The following ADAMTS3 variants were observed in gnomAD, a reference collection of about 807,000 sequenced individuals.
ADAMTS3 encodes A disintegrin and metalloproteinase with thrombospondin motifs 3.
Under a neutral mutation model 129.0 loss-of-function variants are expected in ADAMTS3, and 73 were observed. That is an observed-to-expected ratio of 0.57 (90% confidence interval 0.47 to 0.69). The LOEUF (loss-of-function observed/expected upper bound fraction) is 0.69. Ranked by LOEUF, ADAMTS3 falls within the 30% of genes least tolerant of loss-of-function variation. The pLI is 0.00. For missense variants in ADAMTS3, 1,457 were observed against 1,514.5 expected (o/e 0.96, Z 0.63); for synonymous variants, 477 against 510.8 (o/e 0.93, Z 0.89).
At chr4:72,284,836 G>A (rs1203683887) in intron 21 of ADAMTS3, among the ~76,000 whole-genome samples, 2 of 152,072 alleles carry the variant, frequency 1.3e-5, no homozygotes, top group Non-Finnish European at 2.9e-5. Context: ...CAAATATTAA[G>A]CTCATAAAAA....
At chr4:72,421,508 A>G (rs1722443421) in intron 3 of ADAMTS3, among the ~76,000 whole-genome samples, 1 of 152,232 alleles carries the variant, frequency 6.6e-6, no homozygotes, top group African/African-American at 2.4e-5. Context: ...GAAGCTGAAA[A>G]GGAATGATGA....
At chr4:72,515,413 T>C (rs945993920) in intron 3 of ADAMTS3, among the ~76,000 whole-genome samples, 1 of 151,966 alleles carries the variant, frequency 6.6e-6, no homozygotes, top group Non-Finnish European at 1.5e-5. Context: ...ATCGCCACAC[T>C]GACTTCCACA....
intron 3 of ADAMTS3, among the ~76,000 whole-genome samples, chr4:72,526,749 T>G (rs1322329148): frequency 3.2e-5 from 2 of 63,368 alleles, no homozygotes; most frequent in Non-Finnish European, 7.1e-5. Flanking sequence ...TATATATATA[T>G]ATATATATAT....
intron 4 of ADAMTS3, among the ~76,000 whole-genome samples, chr4:72,365,754 A>G (rs1043547106): frequency 6.6e-6 from 1 of 152,210 alleles, no homozygotes; most frequent in Non-Finnish European, 1.5e-5. Context: ...AACTGAACCA[A>G]TATCTGATGC....
chr4:72,490,859 TCTGTAA>T (rs1210026072), intron 3 of ADAMTS3, among the ~76,000 whole-genome samples: 3 of 151,928 alleles, frequency 2.0e-5, no homozygotes, highest in Non-Finnish European at 4.4e-5. Context: ...TTTTTCTATA[TCTGTAA>T]CTACTTCCAT....
At chr4:72,355,437 G>C (rs146426949) in intron 4 of ADAMTS3, among the ~76,000 whole-genome samples, 26 of 152,046 alleles carry the variant, frequency 1.7e-4, no homozygotes, top group African/African-American at 6.3e-4. Context: ...ATTCTTGATA[G>C]AGCAAAGAAA....
At chr4:72,305,794 T>G (rs1485390352) in intron 16 of ADAMTS3, among the ~76,000 whole-genome samples, 193 bp downstream of exon 16, 1 of 151,594 alleles carries the variant, frequency 6.6e-6, no homozygotes, top group Non-Finnish European at 1.5e-5. Context: ...TGTACGCACA[T>G]ATACGCATGC....
chr4:72,523,304 T>C (rs184045876), intron 3 of ADAMTS3, among the ~76,000 whole-genome samples: 238 of 152,210 alleles, frequency 1.6e-3, no homozygotes, highest in African/African-American at 5.4e-3. Flanking sequence ...TGTTTATTTC[T>C]GAAAAGCATA....
chr4:72,395,912 T>G (rs1189464029), intron 4 of ADAMTS3, among the ~76,000 whole-genome samples: 6 of 152,030 alleles, frequency 3.9e-5, no homozygotes, highest in African/African-American at 1.4e-4. Flanking sequence ...TAGAGGGAGA[T>G]AGGTTTAGAA....
At position 72,543,570 on chromosome 4, in the gene ADAMTS3, G is replaced by A. The variant is rs1721390157; in HGVS notation, c.504+4908C>T. ...GAAGTTCTGACATATGCTTCAAAATGGATGAAATTTAAGGACGTTATACTA... is the reference window on the plus strand; with the variant it reads ...GAAGTTCTGACATATGCTTCAAAATAGATGAAATTTAAGGACGTTATACTA... On this transcript the variant is annotated intron_variant, in intron 3 of 21. Coordinates refer to ENST00000286657, the MANE Select transcript of ADAMTS3 (RefSeq NM_014243.3). Among the ~76,000 whole-genome samples, 2 of 152,020 alleles carry A rather than the reference G, an allele frequency of 1.3e-5. 1 individual carries two copies. Among genetic ancestry groups the A allele is most frequent in the South Asian group, 4.2e-4 (2 of 4,816 alleles).
intron 3 of ADAMTS3, among the ~76,000 whole-genome samples, chr4:72,486,629 A>G (rs1262041819): frequency 2.6e-5 from 4 of 152,200 alleles, no homozygotes; most frequent in Non-Finnish European, 5.9e-5. Flanking sequence ...CTGATAATAA[A>G]AGATTGAATC....
intron 5 of ADAMTS3, among the ~76,000 whole-genome samples, chr4:72,328,897 A>C (rs890856271): frequency 6.6e-6 from 1 of 152,186 alleles, no homozygotes; most frequent in Non-Finnish European, 1.5e-5. Flanking sequence ...ACTATCTCTT[A>C]CGTAGGTAAA....
chr4:72,466,074 C>T (rs956998506), intron 3 of ADAMTS3, among the ~76,000 whole-genome samples: 1 of 151,946 alleles, frequency 6.6e-6, no homozygotes, highest in Non-Finnish European at 1.5e-5. Context: ...TGATAATGTC[C>T]TATCAATAAA....
Position 72,347,400 on chromosome 4 carries a change from T to C in ADAMTS3, c.662-7707A>G, listed in dbSNP as rs112713789. ...ACCCTTTCTCTGCTACAGTCATCAA[T>C]AGTCTTCATTTTCCTTCTCATTCTT... On this transcript the variant is annotated intron_variant, in intron 4 of 21. Transcript: ENST00000286657. Among the ~76,000 whole-genome samples, 348 of 151,908 alleles carry C rather than the reference T, an allele frequency of 2.3e-3. 5 individuals carry two copies. Among genetic ancestry groups the C allele is most frequent in the South Asian group, 0.013 (61 of 4,810 alleles).
At chr4:72,400,145 T>C (rs186622071) in intron 4 of ADAMTS3, among the ~76,000 whole-genome samples, 101 of 129,444 alleles carry the variant, frequency 7.8e-4, no homozygotes, top group South Asian at 2.2e-3. Context: ...TATGCACACA[T>C]GGTGTGTATA....
At chr4:72,554,441 G>C (rs1560565781) in intron 2 of ADAMTS3, among the ~76,000 whole-genome samples, 1 of 151,990 alleles carries the variant, frequency 6.6e-6, no homozygotes, top group South Asian at 2.1e-4. Flanking sequence ...AACCTGAACG[G>C]CTCTGTTCTC....
At chr4:72,339,380 T>C (rs758110764) in intron 5 of ADAMTS3, 114 bp downstream of exon 5, 1 of 867,798 alleles carries the variant, frequency 1.2e-6, no homozygotes, top group Non-Finnish European at 1.8e-6. Flanking sequence ...AATGCCATCA[T>C]GCACATATTT....
At chr4:72,368,585 C>T (rs575074648) in intron 4 of ADAMTS3, among the ~76,000 whole-genome samples, 15 of 152,210 alleles carry the variant, frequency 9.9e-5, no homozygotes, top group Admixed American at 8.5e-4. Context: ...TACAGGTATG[C>T]TAATAAACTG....
intron 4 of ADAMTS3, among the ~76,000 whole-genome samples, chr4:72,407,255 T>A (rs1035180414): frequency 4.6e-5 from 7 of 152,090 alleles, no homozygotes; most frequent in African/African-American, 1.7e-4. Context: ...ATCCAAAAGT[T>A]AGGTATGATG....
Sources: allele counts gnomAD v4.1 joint callset (sites outside exome capture counted in the v4.1 genomes callset), GRCh38; gene constraint gnomAD v4.1.1; transcripts MANE v1.5; gene names NCBI Gene and HGNC (gene_info 2026-07-23, HGNC 2026-07-21).